The following HSD17B4 variants were observed in gnomAD, a reference collection of about 807,000 sequenced individuals.
The protein encoded by HSD17B4 is hydroxysteroid 17-beta dehydrogenase 4.
A neutral mutation model predicts 101.0 loss-of-function variants in HSD17B4; 70 were observed. The observed-to-expected ratio is 0.69, with a 90% CI of 0.57 to 0.85. HSD17B4 has a LOEUF of 0.85. HSD17B4 is among the 40% of genes least tolerant of loss of function. HSD17B4 has a pLI of 0.00. For missense variants in HSD17B4, 984 were observed against 892.4 expected, an observed-to-expected ratio of 1.10 and a Z score of -1.31; for synonymous variants, 347 against 297.1, an observed-to-expected ratio of 1.17 and a Z score of -1.73.
At position 119,540,515 on chromosome 5, in the gene HSD17B4, A is replaced by G. The variant is rs546274181; in HGVS notation, c.2122-1390A>G. Among the ~76,000 whole-genome samples, 72 of 152,328 alleles carry G rather than the reference A, an allele frequency of 4.7e-4. 1 individual carries two copies. Among genetic ancestry groups the G allele is most frequent in the African/African-American group, 1.6e-3 (67 of 41,562 alleles). On this transcript the variant is annotated intron_variant, in intron 23 of 23. Coordinates refer to ENST00000510025, the MANE Select transcript of HSD17B4 (RefSeq NM_000414.4). ...TTGTTTTAGGTTGTAAATCTCTTTC[A>G]GAGTTTAGTACATAGCAGGCTGGCC...
chr5:119,476,379 A>G (rs1368102571), intron 6 of HSD17B4: 1 of 162,116 alleles, frequency 6.2e-6, no homozygotes, highest in African/African-American at 2.4e-5. Flanking sequence ...AGTTTAGATA[A>G]TGAACAAATC....
chr5:119,474,899 A>G (rs2126686313), intron 4 of HSD17B4, among the ~76,000 whole-genome samples: 2 of 152,310 alleles, frequency 1.3e-5, no homozygotes, highest in Admixed American at 1.3e-4. Flanking sequence ...ATTTTTAAGA[A>G]GTATTTCAAA....
chr5:119,489,399 T>A, intron 9 of HSD17B4, 116 bp downstream of exon 9: 1 of 739,490 alleles, frequency 1.4e-6, no homozygotes, highest in Non-Finnish European at 2.4e-6. Flanking sequence ...ATGTTATAAT[T>A]AAAAGTGTTG....
chr5:119,475,067 C>G (rs1440297116), intron 4 of HSD17B4, among the ~76,000 whole-genome samples: 1 of 152,002 alleles, frequency 6.6e-6, no homozygotes, highest in Non-Finnish European at 1.5e-5. Context: ...ATTGAATGTG[C>G]TCTCCCTTTT....
intron 2 of HSD17B4, chr5:119,471,756 T>C: frequency 1.2e-6 from 1 of 860,458 alleles, no homozygotes; most frequent in Non-Finnish European, 1.8e-6. Flanking sequence ...TATGTATCTT[T>C]TTATTAGTTT....
chr5:119,536,681 C>G, intron 23 of HSD17B4, 131 bp downstream of exon 23: 1 of 800,906 alleles, frequency 1.2e-6, no homozygotes, highest in South Asian at 1.5e-5. Context: ...GACACAGTTG[C>G]TACTGATACT....
chr5:119,527,940 A>G (rs1753749470), intron 20 of HSD17B4, among the ~76,000 whole-genome samples: 1 of 152,090 alleles, frequency 6.6e-6, no homozygotes, highest in African/African-American at 2.4e-5. Flanking sequence ...AGGACATGCA[A>G]TCATTGTTTT....
intron 3 of HSD17B4, among the ~76,000 whole-genome samples, 181 bp downstream of exon 3, chr5:119,474,196 A>T (rs1039725885): frequency 6.6e-6 from 1 of 152,178 alleles, no homozygotes; most frequent in African/African-American, 2.4e-5. Flanking sequence ...GATGTAGACT[A>T]TTTCATGATT....
At chr5:119,467,403 T>A (rs77491481) in intron 2 of HSD17B4, among the ~76,000 whole-genome samples, 3,167 of 152,364 alleles carry the variant, frequency 0.021, 105 homozygotes, top group African/African-American at 0.07. Flanking sequence ...AGTTCCCAAC[T>A]ATTATTGTGT....
intron 23 of HSD17B4, among the ~76,000 whole-genome samples, chr5:119,541,458 A>C (rs1468064027): frequency 6.6e-6 from 1 of 152,208 alleles, no homozygotes; most frequent in Non-Finnish European, 1.5e-5. Context: ...TGATCTATTC[A>C]ACATTGTGTT....
At chr5:119,530,849 AAAAAAAAAAAAAAACAAAAAAC>A (rs912404257) in intron 21 of HSD17B4, among the ~76,000 whole-genome samples, 25 of 140,936 alleles carry the variant, frequency 1.8e-4, no homozygotes, top group African/African-American at 6.7e-4. Context: ...CTGTCTCAAA[AAAAAAAAAAAAAAACAAAAAAC>A]AAAAAAAACC....
At chr5:119,537,288 A>C (rs1225874540) in intron 23 of HSD17B4, among the ~76,000 whole-genome samples, 1 of 152,180 alleles carries the variant, frequency 6.6e-6, no homozygotes, top group Non-Finnish European at 1.5e-5. Context: ...GTAGGTAAAA[A>C]GTAGTCTTTG....
Position 119,452,575 on chromosome 5 carries a change from C to A in HSD17B4, c.-1C>A. The A allele has an allele frequency of 3.1e-6, 5 of 1,614,046 alleles. No homozygotes were observed. The highest frequency in any genetic ancestry group is 4.2e-6 in the Non-Finnish European group (5 of 1,179,992). ...TGTGTGTGTCGTTGCAGGCCTTATT[C>A]ATGGGCTCACCGCTGAGGTTCGACG... On this transcript the variant is annotated 5_prime_UTR_variant, in exon 1 of 24. Coordinates refer to ENST00000510025, the MANE Select transcript of HSD17B4 (RefSeq NM_000414.4).
chr5:119,456,533 T>C lies in HSD17B4; in HGVS notation c.112+165T>C, dbSNP rs566749683. 132 of 625,358 alleles carry C rather than the reference T, an allele frequency of 2.1e-4. No homozygotes were observed. The African/African-American group carries it at 2.2e-3, about 11-fold the overall frequency. The allele number at this position is 625,358 out of a possible 1,614,324, so 38.7% of individuals were successfully genotyped here. ...CCCCGACTAAGGCTGTCTGTCTAAA[T>C]TACTTTTAAAAGGGAACCAGTTTCA... On this transcript the variant is annotated intron_variant, in intron 2 of 23. Coordinates refer to ENST00000510025, the MANE Select transcript of HSD17B4 (RefSeq NM_000414.4).
chr5:119,494,714 C>T (rs573792648), intron 11 of HSD17B4, among the ~76,000 whole-genome samples: 1 of 152,130 alleles, frequency 6.6e-6, no homozygotes, highest in African/African-American at 2.4e-5. Flanking sequence ...CTGGTAAGTT[C>T]CTTTGAGGCA....
At position 119,531,415 on chromosome 5, in the gene HSD17B4, G is replaced by C. The variant is rs762966461; in HGVS notation, c.1993+11G>C. 6.2e-7 allele frequency: 1 copy of C among 1,609,112 alleles called. No individual in the cohort carries two copies. Among genetic ancestry groups the C allele is most frequent in the Admixed American group, 1.7e-5 (1 of 59,912 alleles). On this transcript the variant is annotated intron_variant, in intron 22 of 23. Coordinates refer to ENST00000510025, the MANE Select transcript of HSD17B4 (RefSeq NM_000414.4). Reference sequence around the variant, plus strand: ...TTGGGGCTAAGTGGAGTAAGTTATAGCCCTGATTTTATAATATTCTAAGGT... The same window carrying C: ...TTGGGGCTAAGTGGAGTAAGTTATACCCCTGATTTTATAATATTCTAAGGT...
At chr5:119,461,642 G>C (rs1755248389) in intron 2 of HSD17B4, among the ~76,000 whole-genome samples, 1 of 151,880 alleles carries the variant, frequency 6.6e-6, no homozygotes, top group Admixed American at 6.6e-5. Flanking sequence ...AACAGTTTGG[G>C]AGGCTGAGGC....
At chr5:119,517,085 G>A (rs1752679992) in intron 17 of HSD17B4, among the ~76,000 whole-genome samples, 1 of 152,230 alleles carries the variant, frequency 6.6e-6, no homozygotes, top group Non-Finnish European at 1.5e-5. Flanking sequence ...GGCTCCCTCA[G>A]CTTGCAGGGT....
intron 5 of HSD17B4, 39 bp downstream of exon 5, chr5:119,475,766 AT>A: frequency 1.3e-6 from 2 of 1,581,404 alleles, no homozygotes; most frequent in Non-Finnish European, 8.7e-7. Flanking sequence ...TGTGTGTATA[AT>A]TTTTTTAAAA....
Sources: gnomAD v4.1 joint callset for allele counts (sites outside exome capture counted in the v4.1 genomes callset) on GRCh38, gnomAD v4.1.1 for gene constraint, MANE v1.5 for transcripts, NCBI Gene and HGNC (gene_info 2026-07-23, HGNC 2026-07-21) for gene names.